ZAR1L: variants seen among roughly 807,000 people sequenced by gnomAD.
ZAR1L encodes the protein protein ZAR1-like.
ZAR1L carries 16 observed loss-of-function variants against 30.0 expected under a neutral mutation model. The ratio of observed to expected loss-of-function variants is 0.53; its 90% CI spans 0.36 to 0.81. The LOEUF is 0.81. ZAR1L is among the 30% of genes least tolerant of loss of function. ZAR1L has a pLI of 0.00. For missense variants in ZAR1L, 392 were observed against 417.2 expected (o/e 0.94, Z 0.53); for synonymous variants, 197 against 166.8 (o/e 1.18, Z -1.40).
chr13:32,309,400 G>A (rs1593875019), intron 4 of ZAR1L, among the ~76,000 whole-genome samples: 1 of 152,126 alleles, frequency 6.6e-6, no homozygotes, highest in Non-Finnish European at 1.5e-5. Context: ...CATACTTTTT[G>A]TCCTTATCTT....
intron 4 of ZAR1L, among the ~76,000 whole-genome samples, chr13:32,309,112 T>A (rs889216677): frequency 6.6e-6 from 1 of 151,758 alleles, no homozygotes; most frequent in African/African-American, 2.4e-5. Flanking sequence ...TGCCTCAGCC[T>A]CCTGAGTTGC....
chr13:32,309,997 T>C (rs1027882315), intron 4 of ZAR1L, among the ~76,000 whole-genome samples: 1 of 152,196 alleles, frequency 6.6e-6, no homozygotes, highest in East Asian at 1.9e-4. Context: ...CAAATGCTTA[T>C]GGAGGTTAAT....
rs371193 is a variant in ZAR1L at position 32,311,521 on chromosome 13, G to A, written c.405C>T (p.Pro135=). 260,994 of 1,535,726 alleles carry A rather than the reference G, an allele frequency of 0.17. 22,731 individuals carry two copies. Among genetic ancestry groups the A allele is most frequent in the Middle Eastern group, 0.2 (1,200 of 5,870 alleles). The change falls in exon 3 of 6, where the codon CCC becomes CCT. Residue 135 remains proline, a synonymous_variant. Transcript: ENST00000533490. ...GGATCAAGCCCCTGCGGCCGGTGGC[G>A]GGCGAAGTGACCCCACAGGCTGGCA... ...EPLPACGVTS[P]ATGRRGLIRL...
intron 2 of ZAR1L, among the ~76,000 whole-genome samples, chr13:32,313,215 G>T (rs1264320317): frequency 6.6e-6 from 1 of 152,124 alleles, no homozygotes; most frequent in Admixed American, 6.5e-5. Context: ...GAAATTTCAG[G>T]TGCTCTCACC....
At chr13:32,310,771 G>C in intron 3 of ZAR1L, 40 bp from the exon 4 acceptor site, 1 of 1,348,958 alleles carries the variant, frequency 7.4e-7, no homozygotes, top group East Asian at 2.5e-5. Flanking sequence ...ATCATGCAAG[G>C]GGAAAAAAGC....
rs577180224 is a variant in ZAR1L, at chr13:32,312,424, A to G, written c.-168-331T>C. Among the ~76,000 whole-genome samples the G allele has an allele frequency of 3.3e-4, 51 of 152,372 alleles. 1 individual carries two copies. The highest frequency in any genetic ancestry group is 1.2e-3 in the African/African-American group (50 of 41,596). ...ACCACTGCGTATTTACCCAAAGGAAATGAAATCAATATCCTGAAGAGATAC... is the reference window on the plus strand; with the variant it reads ...ACCACTGCGTATTTACCCAAAGGAAGTGAAATCAATATCCTGAAGAGATAC... On this transcript the variant is annotated intron_variant, in intron 2 of 5. Coordinates refer to ENST00000533490, the MANE Select transcript of ZAR1L (RefSeq NM_001136571.2).
At chr13:32,311,243 G>A in intron 3 of ZAR1L, 29 bp downstream of exon 3, 3 of 1,524,114 alleles carry the variant, frequency 2.0e-6, no homozygotes, top group Non-Finnish European at 1.8e-6. Flanking sequence ...GGCTGGTCGA[G>A]GACTAAGAAG....
chr13:32,307,659 AAGAAAAAGGGGTGG>A (rs1228030778), intron 5 of ZAR1L, among the ~76,000 whole-genome samples: 55 of 152,220 alleles, frequency 3.6e-4, no homozygotes, highest in African/African-American at 1.2e-3. Context: ...CACAAGAGAA[AAGAAAAAGGGGTGG>A]AGAAAAAAGA....
At chr13:32,315,258 C>G (rs982176782) in intron 1 of ZAR1L, 57 bp downstream of exon 1, 1 of 152,436 alleles carries the variant, frequency 6.6e-6, no homozygotes, top group Non-Finnish European at 1.5e-5. Context: ...ATAGGGGCGG[C>G]CCCTCCAAGC....
chr13:32,308,619 A>G, intron 5 of ZAR1L, 67 bp downstream of exon 5: 3 of 1,219,248 alleles, frequency 2.5e-6, no homozygotes, highest in Non-Finnish European at 3.5e-6. Context: ...AAATCCTAAC[A>G]TTTTGTCACA....
chr13:32,311,361 C>G lies in ZAR1L; in HGVS notation c.565G>C (p.Glu189Gln). The change falls in exon 3 of 6, where the codon GAG becomes CAG. Residue 189 changes from glutamate (E) to glutamine (Q), a missense_variant. Coordinates refer to ENST00000533490, the MANE Select transcript of ZAR1L (RefSeq NM_001136571.2). ...TCCTGAGGGCACGGGGCGTCTTTCT[C>G]CCCCGATTCCTCCAGCTGCCCGGGC... ...EEPGQLEESG[E>Q]KDAPCPQETK... 1 of 1,550,900 alleles carries G rather than the reference C, an allele frequency of 6.4e-7. No individual in the cohort carries two copies. The highest frequency in any genetic ancestry group is 8.7e-7 in the Non-Finnish European group (1 of 1,146,978).
At chr13:32,309,670 T>TG (rs1258925283) in intron 4 of ZAR1L, among the ~76,000 whole-genome samples, 1 of 152,256 alleles carries the variant, frequency 6.6e-6, no homozygotes, top group Non-Finnish European at 1.5e-5. Context: ...AGGATGCTAC[T>TG]GCACGTATTG....
At chr13:32,306,503 A>C (rs2072176081) in intron 5 of ZAR1L, among the ~76,000 whole-genome samples, 1 of 152,224 alleles carries the variant, frequency 6.6e-6, no homozygotes. Flanking sequence ...GGGAAAGAGA[A>C]GAGATTACTT....
At position 32,311,535 on chromosome 13, in the gene ZAR1L, C is replaced by T. The variant is rs57151175; in HGVS notation, c.391G>A (p.Gly131Arg). ...CGGCCGGTGGCGGGCGAAGTGACCC[C>T]ACAGGCTGGCAGGGGCTCCTGGGGG... ...RDPQEPLPAC[G>R]VTSPATGRRG... The change falls in exon 3 of 6, where the codon GGG becomes AGG. Residue 131 changes from glycine (G) to arginine (R), a missense_variant. Coordinates refer to ENST00000533490, the MANE Select transcript of ZAR1L (RefSeq NM_001136571.2). 4.3e-5 allele frequency: 66 copies of T among 1,535,638 alleles called. No homozygotes were observed. In the African/African-American group the frequency reaches 8.2e-4, roughly 19 times the overall value.
chr13:32,312,359 T>C (rs909936587), intron 2 of ZAR1L, among the ~76,000 whole-genome samples: 2 of 152,194 alleles, frequency 1.3e-5, no homozygotes, highest in South Asian at 2.1e-4. Context: ...GAAGGTTCCT[T>C]AAAAAAGTTA....
chr13:32,315,042 C>T (rs1297149451), intron 1 of ZAR1L, among the ~76,000 whole-genome samples: 1 of 152,162 alleles, frequency 6.6e-6, no homozygotes. Context: ...GCCCCGCCCA[C>T]TACCACTAAG....
At chr13:32,307,597 C>T (rs1444042219) in intron 5 of ZAR1L, among the ~76,000 whole-genome samples, 2 of 131,870 alleles carry the variant, frequency 1.5e-5, no homozygotes, top group Admixed American at 7.9e-5. Context: ...ATCAAAAGGA[C>T]ATTAAAAAAT....
At chr13:32,309,652 T>C (rs1466918420) in intron 4 of ZAR1L, among the ~76,000 whole-genome samples, 1 of 152,218 alleles carries the variant, frequency 6.6e-6, no homozygotes, top group South Asian at 2.1e-4. Flanking sequence ...ACTGCTTCCA[T>C]ATGAAGAAGG....
intron 4 of ZAR1L, among the ~76,000 whole-genome samples, chr13:32,308,991 C>CGT (rs1284562378): frequency 4.0e-5 from 5 of 124,420 alleles, no homozygotes; most frequent in Non-Finnish European, 6.9e-5. Flanking sequence ...AATTGGAATA[C>CGT]ATTTTTTTTT....
Sources: gnomAD v4.1 joint callset for allele counts (sites outside exome capture counted in the v4.1 genomes callset) on GRCh38, gnomAD v4.1.1 for gene constraint, MANE v1.5 for transcripts, NCBI Gene and HGNC (gene_info 2026-07-23, HGNC 2026-07-21) for gene names.